COL11A1: variants seen among roughly 807,000 people sequenced by gnomAD.
COL11A1 encodes collagen alpha-1(XI) chain.
In COL11A1, 74 loss-of-function variants were observed where a neutral mutation model predicts 265.2. That is an observed-to-expected ratio of 0.28 (90% CI 0.23 to 0.34). COL11A1 has a LOEUF of 0.34. Ranked by LOEUF, COL11A1 falls within the 10% of genes least tolerant of loss-of-function variation. COL11A1 has a pLI of 1.00. For synonymous variants in COL11A1, 816 were observed against 727.6 expected, an observed-to-expected ratio of 1.12 and a Z score of -1.96; for missense variants, 2,165 against 2,263.6, an observed-to-expected ratio of 0.96 and a Z score of 0.88.
At chr1:102,930,170 C>T (rs960965669) in intron 46 of COL11A1, among the ~76,000 whole-genome samples, 2 of 152,010 alleles carry the variant, frequency 1.3e-5, no homozygotes, top group Non-Finnish European at 2.9e-5. Flanking sequence ...GTCTTGTGCC[C>T]GTTTTCAAAG....
At chr1:102,961,970 C>A in intron 40 of COL11A1, 51 bp from the exon 41 acceptor site, 3 of 1,508,938 alleles carry the variant, frequency 2.0e-6, no homozygotes, top group South Asian at 1.2e-5. Flanking sequence ...AATTGAATAC[C>A]AATAGGAGGA....
At chr1:103,059,565 T>C (rs1670502037) in intron 4 of COL11A1, among the ~76,000 whole-genome samples, 1 of 152,156 alleles carries the variant, frequency 6.6e-6, no homozygotes, top group African/African-American at 2.4e-5. Context: ...AGGTTGGAAT[T>C]ATCATTCTAG....
chr1:102,914,399 C>A lies in COL11A1; in HGVS notation c.3931G>T (p.Val1311Phe), dbSNP rs944444858. 1 of 1,606,900 alleles carries A rather than the reference C, an allele frequency of 6.2e-7. No homozygotes were observed. The highest frequency in any genetic ancestry group is 2.2e-5 in the East Asian group (1 of 44,756). ...DDGPKGNPGP[V>F]GFPGDPGPPG... ...GGACCAGGATCTCCAGGAAAACCAACAGGACCCTAGAATGACGTTTTGAAA... is the reference window on the plus strand; with the variant it reads ...GGACCAGGATCTCCAGGAAAACCAAAAGGACCCTAGAATGACGTTTTGAAA... The change falls in exon 52 of 67, where the codon GTT (valine) becomes TTT (phenylalanine). Residue 1311 changes from valine (V) to phenylalanine (F), a missense_variant. By Grantham distance (50) the Val-to-Phe change is conservative. Transcript: ENST00000370096.
At chr1:102,986,441 A>T (rs1322091274) in intron 30 of COL11A1, among the ~76,000 whole-genome samples, 1 of 150,310 alleles carries the variant, frequency 6.7e-6, no homozygotes, top group African/African-American at 2.4e-5. Context: ...GAGGGATAGC[A>T]TTAGGAGATA....
At chr1:103,007,691 C>A (rs995336078) in intron 15 of COL11A1, among the ~76,000 whole-genome samples, 1 of 151,712 alleles carries the variant, frequency 6.6e-6, no homozygotes, top group Non-Finnish European at 1.5e-5. Context: ...AACCCCAACT[C>A]TAGAAAAAAT....
chr1:103,051,717 G>C (rs919693532), intron 4 of COL11A1, among the ~76,000 whole-genome samples: 9 of 152,136 alleles, frequency 5.9e-5, no homozygotes, highest in African/African-American at 1.9e-4. Flanking sequence ...CTGTAGACTG[G>C]AGCTGTTCCC....
At chr1:103,019,523 T>C (rs900831985) in intron 9 of COL11A1, among the ~76,000 whole-genome samples, 8 of 152,142 alleles carry the variant, frequency 5.3e-5, no homozygotes, top group Non-Finnish European at 7.4e-5. Context: ...TTTGTGAGCA[T>C]GTTGCATGAT....
chr1:103,027,396 A>AAT lies in COL11A1; in HGVS notation c.781-1066_781-1065dup, dbSNP rs57013059. Among the ~76,000 whole-genome samples the AAT allele has an allele frequency of 8.1e-3, 742 of 91,730 alleles. 7 individuals carry two copies. The highest frequency in any genetic ancestry group is 0.011 in the African/African-American group (237 of 21,620). 60.2% of individuals were successfully genotyped at this position (91,730 alleles called of 152,430 possible). ...AGTAAACTCAACAAGTTAAAACTCT[A>AAT]ATATATATATATATATATATATATA... On this transcript the variant is annotated intron_variant, in intron 5 of 66. Coordinates refer to ENST00000370096, the MANE Select transcript of COL11A1 (RefSeq NM_001854.4).
chr1:103,066,250 T>G (rs989725082), intron 4 of COL11A1, among the ~76,000 whole-genome samples: 2 of 151,924 alleles, frequency 1.3e-5, no homozygotes, highest in Non-Finnish European at 2.9e-5. Flanking sequence ...AAAATTATAT[T>G]TTTATCTTAA....
rs958593292 is a variant in COL11A1 at position 103,018,857 on chromosome 1, A to G, written c.1311T>C (p.Gly437=). The G allele has an allele frequency of 3.7e-6, 6 of 1,611,978 alleles. No individual in the cohort carries two copies. The highest frequency in any genetic ancestry group is 3.3e-5 in the Admixed American group (2 of 59,976). Residue 437 remains glycine (G), a splice_region_variant and synonymous_variant, in exon 10 of 67, where the codon GGT becomes GGC. Transcript: ENST00000370096. Reference sequence around the variant, plus strand: ...GTCCTGGTGGTCCTTCGACAAGCATACCCTATAACAGGAAAAGAGAACATC... The same window carrying G: ...GTCCTGGTGGTCCTTCGACAAGCATGCCCTATAACAGGAAAAGAGAACATC... ...QKGEPAVVEP[G]MLVEGPPGPA... is the part of the protein sequence containing the mutation.
chr1:103,008,636 T>C, intron 14 of COL11A1, 120 bp from the exon 15 acceptor site: 1 of 893,312 alleles, frequency 1.1e-6, no homozygotes, highest in Non-Finnish European at 1.8e-6. Flanking sequence ...ATATTAGCAT[T>C]AACTTATTAA....
chr1:102,899,092 G>T, intron 54 of COL11A1, 98 bp from the exon 55 acceptor site: 2 of 587,856 alleles, frequency 3.4e-6, no homozygotes, highest in East Asian at 4.0e-5. Flanking sequence ...TGTAACAGAT[G>T]AATAAATTGT....
chr1:102,976,421 C>A (rs1469585550), intron 35 of COL11A1, among the ~76,000 whole-genome samples: 1 of 149,184 alleles, frequency 6.7e-6, no homozygotes, highest in Non-Finnish European at 1.5e-5. Context: ...GCTTCAGCCT[C>A]CTGAGTAGCT....
At chr1:102,891,885 G>C (rs1041393005) in intron 57 of COL11A1, among the ~76,000 whole-genome samples, 3 of 151,962 alleles carry the variant, frequency 2.0e-5, no homozygotes, top group Non-Finnish European at 2.9e-5. Flanking sequence ...CCTGTCGCTA[G>C]AGAAAGTAAA....
rs1470853407 is a variant in COL11A1, at chr1:102,886,915, T to C, written c.4750A>G (p.Asn1584Asp). 1 of 1,613,858 alleles carries C rather than the reference T, an allele frequency of 6.2e-7. No individual in the cohort carries two copies. Among genetic ancestry groups the C allele is most frequent in the Admixed American group, 1.7e-5 (1 of 59,986 alleles). Residue 1584 changes from asparagine to aspartate, a missense_variant, in exon 63 of 67, where the codon AAT becomes GAT. By Grantham distance (23) the Asn-to-Asp change is conservative (BLOSUM62 1). Transcript: ENST00000370096. ...TGCTCAATGTCTTGTTTCAGGGAAT[T>C]GAGGGAACCAAATATTTCTTCCATT... ...DGMEEIFGSL[N>D]SLKQDIEHMK...
At chr1:103,026,177 A>G in intron 6 of COL11A1, 39 bp downstream of exon 6, 1 of 1,418,898 alleles carries the variant, frequency 7.0e-7, no homozygotes, top group Non-Finnish European at 1.0e-6. Flanking sequence ...GATGACGAAC[A>G]GCAGGACACC....
intron 8 of COL11A1, 61 bp downstream of exon 8, chr1:103,022,681 T>C: frequency 6.3e-7 from 1 of 1,598,914 alleles, no homozygotes; most frequent in Non-Finnish European, 8.6e-7. Flanking sequence ...AAGATGGACA[T>C]GGACATAAAA....
At chr1:103,022,660 GA>G (rs1667189135) in intron 8 of COL11A1, 81 bp downstream of exon 8, 1 of 1,563,572 alleles carries the variant, frequency 6.4e-7, no homozygotes, top group Non-Finnish European at 8.8e-7. Flanking sequence ...TTTTAAACCT[GA>G]AAAGACATTA....
Position 102,966,766 on chromosome 1 carries a change from C to G in COL11A1, c.2863-1226G>C, listed in dbSNP as rs148273457. Among the ~76,000 whole-genome samples, 86 of 152,192 alleles carry G rather than the reference C, an allele frequency of 5.7e-4. No homozygotes were observed. In the East Asian group the frequency reaches 0.01, roughly 18 times the overall value. ...GTGTATGTGTGTCCCTGGATTATCT[C>G]AACAACCTCCATCACCACAATTGCC... On this transcript the variant is annotated intron_variant, in intron 37 of 66. Coordinates refer to ENST00000370096, the MANE Select transcript of COL11A1 (RefSeq NM_001854.4).
Sources: gnomAD v4.1 joint callset for allele counts (sites outside exome capture counted in the v4.1 genomes callset) on GRCh38, gnomAD v4.1.1 for gene constraint, MANE v1.5 for transcripts, NCBI Gene and HGNC (gene_info 2026-07-23, HGNC 2026-07-21) for gene names.